The following ANOS1 variants were observed in gnomAD, a reference collection of about 807,000 sequenced individuals.
ANOS1 encodes the protein anosmin 1, also known as anosmin-1.
In ANOS1, 6 loss-of-function variants were observed where a neutral mutation model predicts 59.0. The ratio of observed to expected loss-of-function variants is 0.10; its 90% confidence interval spans 0.06 to 0.20. The LOEUF is 0.20. ANOS1 is among the 10% of genes least tolerant of loss of function. The pLI is 1.00. For synonymous variants in ANOS1, 217 were observed against 223.4 expected, an observed-to-expected ratio of 0.97 and a Z score of 0.25; for missense variants, 433 against 542.3, an observed-to-expected ratio of 0.80 and a Z score of 2.00.
chrX:8,682,654 T>G (rs1250709680), intron 2 of ANOS1, among the ~76,000 whole-genome samples: 3 of 111,284 alleles, frequency 2.7e-5, no homozygotes, highest in Admixed American at 9.6e-5. Flanking sequence ...TGAATTTTAG[T>G]AGTCACAGGC....
intron 10 of ANOS1, among the ~76,000 whole-genome samples, chrX:8,539,221 C>T (rs1929643173): frequency 1.8e-5 from 2 of 110,537 alleles, no homozygotes; most frequent in South Asian, 7.9e-4. Context: ...GAGATTATTT[C>T]ACTAACTGAG....
intron 9 of ANOS1, among the ~76,000 whole-genome samples, chrX:8,545,918 T>C (rs957344158): frequency 8.9e-6 from 1 of 112,543 alleles, no homozygotes; most frequent in Non-Finnish European, 1.9e-5. Flanking sequence ...ACTCAGTGTG[T>C]CCACAATTGG....
At chrX:8,656,569 G>A (rs187296148) in intron 2 of ANOS1, among the ~76,000 whole-genome samples, 106 of 111,251 alleles carry the variant, frequency 9.5e-4, no homozygotes, top group African/African-American at 3.3e-3. Context: ...AAGTTGCTAA[G>A]CTTTTCTACT....
intron 6 of ANOS1, among the ~76,000 whole-genome samples, chrX:8,581,523 C>T (rs185591270): frequency 1.4e-4 from 16 of 111,922 alleles, no homozygotes. Flanking sequence ...TGCAGTCTTA[C>T]AAACCAAAAA....
chrX:8,731,590 C>T (rs1417114541), intron 1 of ANOS1, among the ~76,000 whole-genome samples: 2 of 112,645 alleles, frequency 1.8e-5, no homozygotes, highest in African/African-American at 6.4e-5. Context: ...TGGTTTCCTG[C>T]TGGGAAGGAG....
At chrX:8,657,023 C>T (rs1233623143) in intron 2 of ANOS1, among the ~76,000 whole-genome samples, 1 of 111,976 alleles carries the variant, frequency 8.9e-6, no homozygotes, top group Admixed American at 9.4e-5. Flanking sequence ...TGGTAGAGCC[C>T]CTCCAGGCCA....
At chrX:8,728,195 A>G (rs1385265975) in intron 1 of ANOS1, among the ~76,000 whole-genome samples, 1 of 112,134 alleles carries the variant, frequency 8.9e-6, no homozygotes, top group Non-Finnish European at 1.9e-5. Flanking sequence ...ACCCGGCTAA[A>G]TCGTCAATGA....
chrX:8,537,880 G>A (rs1004296271), intron 10 of ANOS1, among the ~76,000 whole-genome samples: 1 of 110,845 alleles, frequency 9.0e-6, no homozygotes, highest in Admixed American at 9.7e-5. Flanking sequence ...AAGCAGCAGC[G>A]TTGACGGGAA....
At chrX:8,539,024 T>C (rs1406059673) in intron 10 of ANOS1, among the ~76,000 whole-genome samples, 7 of 112,227 alleles carry the variant, frequency 6.2e-5, no homozygotes, top group Non-Finnish European at 1.3e-4. Context: ...TATTATACAC[T>C]GTATAATAAA....
intron 2 of ANOS1, among the ~76,000 whole-genome samples, chrX:8,632,762 C>G (rs1931509740): frequency 9.7e-6 from 1 of 103,403 alleles, no homozygotes; most frequent in Non-Finnish European, 1.9e-5. Flanking sequence ...AAGAATAAGC[C>G]TTGGGGTTCT....
intron 8 of ANOS1, among the ~76,000 whole-genome samples, chrX:8,558,566 A>T: frequency 8.9e-6 from 1 of 111,741 alleles, no homozygotes; most frequent in South Asian, 3.7e-4. Flanking sequence ...AATAAGTATG[A>T]ATAATATTTC....
chrX:8,660,788 T>C (rs1252754848), intron 2 of ANOS1, among the ~76,000 whole-genome samples: 1 of 111,506 alleles, frequency 9.0e-6, no homozygotes, highest in Non-Finnish European at 1.9e-5. Context: ...TCATAATAAA[T>C]AAAACTTTAA....
chrX:8,722,600 CACACAT>C, intron 1 of ANOS1, among the ~76,000 whole-genome samples: 1 of 112,058 alleles, frequency 8.9e-6, no homozygotes, highest in Non-Finnish European at 1.9e-5. Flanking sequence ...CACACACACA[CACACAT>C]ACACACCACA....
At chrX:8,702,208 TA>T (rs1435900264) in intron 1 of ANOS1, among the ~76,000 whole-genome samples, 55 of 111,312 alleles carry the variant, frequency 4.9e-4, no homozygotes, top group African/African-American at 1.5e-3. Flanking sequence ...TGAAGTTCGT[TA>T]TGATTTTTGG....
intron 2 of ANOS1, among the ~76,000 whole-genome samples, chrX:8,660,139 C>T (rs1302324188): frequency 9.0e-6 from 1 of 111,201 alleles, no homozygotes; most frequent in Non-Finnish European, 1.9e-5. Context: ...TACCTTCCTG[C>T]ATATAACATG....
At chrX:8,723,047 T>C (rs5978949) in intron 1 of ANOS1, among the ~76,000 whole-genome samples, 52,160 of 110,462 alleles carry the variant, frequency 0.47, 9,309 homozygotes, top group African/African-American at 0.63. Context: ...CTCATTTATA[T>C]AAAAATCAAC....
At chrX:8,578,818 C>A (rs1930374523) in intron 6 of ANOS1, among the ~76,000 whole-genome samples, 1 of 112,066 alleles carries the variant, frequency 8.9e-6, no homozygotes, top group Non-Finnish European at 1.9e-5. Flanking sequence ...TTCAAATGAA[C>A]AAACATGCTT....
chrX:8,579,867 T>C (rs1930392553), intron 6 of ANOS1, among the ~76,000 whole-genome samples: 2 of 111,941 alleles, frequency 1.8e-5, no homozygotes, highest in Non-Finnish European at 3.8e-5. Context: ...AGGTTGCCTA[T>C]GGTAAATAAT....
chrX:8,661,964 G>A (rs1038502902), intron 2 of ANOS1, among the ~76,000 whole-genome samples: 1 of 111,885 alleles, frequency 8.9e-6, no homozygotes. Context: ...AAGCTGCAAT[G>A]ACCATTAAGG....
Sources: gnomAD v4.1 joint callset for allele counts (sites outside exome capture counted in the v4.1 genomes callset) on GRCh38, gnomAD v4.1.1 for gene constraint, MANE v1.5 for transcripts, NCBI Gene and HGNC (gene_info 2026-07-23, HGNC 2026-07-21) for gene names.